Variants in ATP5PB observed in about 807,000 individuals in gnomAD.
ATP5PB encodes the protein ATP synthase peripheral stalk-membrane subunit b.
Under a neutral mutation model 34.5 loss-of-function variants are expected in ATP5PB, and 21 were observed. The ratio of observed to expected loss-of-function variants is 0.61; its 90% CI spans 0.43 to 0.88. The LOEUF (loss-of-function observed/expected upper bound fraction) is 0.88. ATP5PB is among the 40% of genes least tolerant of loss of function. The pLI, the probability that ATP5PB is intolerant of heterozygous loss-of-function variation, is 0.00. For missense variants in ATP5PB, 293 were observed against 317.4 expected (o/e 0.92, Z 0.58); for synonymous variants, 108 against 114.1 (o/e 0.95, Z 0.34).
At chr1:111,452,652 T>G (rs1471076409) in intron 2 of ATP5PB, among the ~76,000 whole-genome samples, 1 of 152,232 alleles carries the variant, frequency 6.6e-6, no homozygotes, top group Non-Finnish European at 1.5e-5. Flanking sequence ...TGAACTAAGG[T>G]AGCTAGTTAG....
rs757264247 is a variant in ATP5PB at position 111,460,999 on chromosome 1, A to T, written c.*5A>T. 1 of 1,611,022 alleles carries T rather than the reference A, an allele frequency of 6.2e-7. No homozygotes were observed. Among genetic ancestry groups the T allele is most frequent in the South Asian group, 1.1e-5 (1 of 90,930 alleles). ...CAAGCACAGCCAGTTATGTAAATGT[A>T]TCTATCCCAATTGAGACAGCTAGAA... is the stretch of plus-strand genomic sequence containing the variant. On this transcript the variant is annotated 3_prime_UTR_variant, in exon 7 of 7. Transcript: ENST00000369722.
chr1:111,458,766 A>C (rs150030622), intron 5 of ATP5PB, among the ~76,000 whole-genome samples: 140 of 152,292 alleles, frequency 9.2e-4, no homozygotes, highest in African/African-American at 3.3e-3. Flanking sequence ...GAGATATGTA[A>C]GAGCTTGGCC....
intron 6 of ATP5PB, among the ~76,000 whole-genome samples, chr1:111,460,319 T>C (rs1237343380): frequency 3.3e-5 from 5 of 152,168 alleles, no homozygotes; most frequent in Non-Finnish European, 2.9e-5. Flanking sequence ...TTTTCATTTA[T>C]ATTTTTGCTT....
intron 4 of ATP5PB, 98 bp downstream of exon 4, chr1:111,456,347 G>T: frequency 7.8e-7 from 1 of 1,280,874 alleles, no homozygotes; most frequent in Non-Finnish European, 1.1e-6. Context: ...GCAACATATA[G>T]AAATGAATCT....
intron 6 of ATP5PB, 125 bp downstream of exon 6, chr1:111,459,761 GGTTT>G: frequency 1.9e-6 from 2 of 1,049,512 alleles, no homozygotes; most frequent in Admixed American, 5.8e-5. Flanking sequence ...GTGTAACCCC[GGTTT>G]GTTTTTCTGG....
At position 111,459,600 on chromosome 1, in the gene ATP5PB, G is replaced by A. The variant is rs1323868040; in HGVS notation, c.657G>A (p.Val219=). 1 of 1,613,888 alleles carries A rather than the reference G, an allele frequency of 6.2e-7. No individual in the cohort carries two copies. Among genetic ancestry groups the A allele is most frequent in the Non-Finnish European group, 8.5e-7 (1 of 1,179,838 alleles). Residue 219 remains valine (V), a synonymous_variant, in exon 6 of 7, where the codon GTG becomes GTA. Transcript: ENST00000369722. ...AACAAGAACACATGATAAATTGGGT[G>A]GAGAAGCACGTGGTGCAAAGCATCT... ...RKEQEHMINW[V]EKHVVQSIST... is the part of the protein sequence containing the mutation.
intron 2 of ATP5PB, 66 bp from the exon 3 acceptor site, chr1:111,454,145 C>T (rs1345983335): frequency 2.1e-6 from 3 of 1,397,584 alleles, no homozygotes; most frequent in Non-Finnish European, 2.8e-6. Flanking sequence ...TGTTTCTGCT[C>T]ATTATTCATA....
intron 2 of ATP5PB, among the ~76,000 whole-genome samples, chr1:111,453,715 C>G (rs1002294560): frequency 5.9e-5 from 9 of 152,214 alleles, no homozygotes; most frequent in African/African-American, 1.9e-4. Context: ...TAGAACTTTT[C>G]CATGTGCCAG....
In ATP5PB at chr1:111,456,743, T is replaced by C. The variant is rs1653485901; in HGVS notation, c.501T>C (p.Phe167=). 5 of 1,609,954 alleles carry C rather than the reference T, an allele frequency of 3.1e-6. No homozygotes were observed. In the African/African-American group the frequency reaches 6.7e-5, roughly 22 times the overall value. Residue 167 remains phenylalanine, a synonymous_variant, in exon 5 of 7, where the codon TTT becomes TTC. Transcript: ENST00000369722. ...TGGTTCAGAAGCGCCATTACCTTTT[T>C]GATGTGCAAAGGGTAGGTTTCAGAA... ...QALVQKRHYL[F]DVQRNNIAMA...
chr1:111,450,495 T>G (rs1571374101), intron 2 of ATP5PB, among the ~76,000 whole-genome samples: 1 of 152,194 alleles, frequency 6.6e-6, no homozygotes, highest in African/African-American at 2.4e-5. Context: ...TTACTGGCTG[T>G]GTGACCTCAA....
chr1:111,456,456 A>G (rs1653474942), intron 4 of ATP5PB, among the ~76,000 whole-genome samples, 174 bp from the exon 5 acceptor site: 1 of 152,342 alleles, frequency 6.6e-6, no homozygotes, highest in Admixed American at 6.5e-5. Flanking sequence ...CATTCAAAAG[A>G]TATTCTATAG....
chr1:111,459,350 C>T (rs1471326167), intron 5 of ATP5PB, 107 bp from the exon 6 acceptor site: 2 of 1,073,456 alleles, frequency 1.9e-6, no homozygotes, highest in Admixed American at 5.6e-5. Context: ...AAAAGAATTT[C>T]ACGTAAAATA....
Position 111,459,569 on chromosome 1 carries a change from G to A in ATP5PB, c.626G>A (p.Arg209Gln), listed in dbSNP as rs768759849. 2.2e-5 allele frequency: 36 copies of A among 1,613,804 alleles called. No homozygotes were observed. Among genetic ancestry groups the A allele is most frequent in the African/African-American group, 2.0e-4 (15 of 74,888 alleles). ...YHISVQNMMR[R>Q]KEQEHMINWV... ...ATATCTGTGCAGAACATGATGCGTC[G>A]AAAGGAACAAGAACACATGATAAAT... Residue 209 changes from arginine (R) to glutamine (Q), a missense_variant, in exon 6 of 7, where the codon CGA becomes CAA. Transcript: ENST00000369722.
intron 2 of ATP5PB, 39 bp downstream of exon 2, chr1:111,449,912 C>G: frequency 1.9e-6 from 3 of 1,613,156 alleles, no homozygotes; most frequent in Non-Finnish European, 2.5e-6. Flanking sequence ...TCTTTGTTTT[C>G]ACTACCTTTT....
At chr1:111,459,007 A>G (rs573471154) in intron 5 of ATP5PB, among the ~76,000 whole-genome samples, 4 of 152,258 alleles carry the variant, frequency 2.6e-5, no homozygotes, top group Non-Finnish European at 5.9e-5. Context: ...AGCAAGTATT[A>G]TGACATAAAC....
intron 3 of ATP5PB, among the ~76,000 whole-genome samples, chr1:111,455,311 TAAAAA>T (rs140870180): frequency 0.028 from 4,303 of 152,142 alleles, 205 homozygotes; most frequent in African/African-American, 0.099. Context: ...TAAAGGCAGT[TAAAAA>T]AAACTGTTGG....
intron 2 of ATP5PB, among the ~76,000 whole-genome samples, chr1:111,453,656 G>A (rs1653391005): frequency 6.6e-6 from 1 of 152,136 alleles, no homozygotes; most frequent in African/African-American, 2.4e-5. Context: ...TATTCAAAAA[G>A]GTCCAGGAGC....
intron 3 of ATP5PB, 42 bp downstream of exon 3, chr1:111,454,398 C>A: frequency 6.5e-7 from 1 of 1,543,794 alleles, no homozygotes; most frequent in Non-Finnish European, 8.7e-7. Flanking sequence ...GTTTTGATGG[C>A]ACCACTAAAA....
In ATP5PB at chr1:111,454,909, T is replaced by C. The variant is rs78307584; in HGVS notation, c.223+553T>C. On this transcript the variant is annotated intron_variant, in intron 3 of 6. Coordinates refer to ENST00000369722, the MANE Select transcript of ATP5PB (RefSeq NM_001688.5). The stretch of plus-strand genomic sequence containing the variant: ...TGCTTTATGCCAGGCACTGTTGCAG[T>C]CATACAGTGTTGAACAGTGTTAAGT... Among the ~76,000 whole-genome samples, 1,439 of 152,358 alleles carry C rather than the reference T, an allele frequency of 9.4e-3. 19 individuals carry two copies. The highest frequency in any genetic ancestry group is 0.033 in the African/African-American group (1,383 of 41,578).
Sources: gnomAD v4.1 joint callset for allele counts (sites outside exome capture counted in the v4.1 genomes callset) on GRCh38, gnomAD v4.1.1 for gene constraint, MANE v1.5 for transcripts, NCBI Gene and HGNC (gene_info 2026-07-23, HGNC 2026-07-21) for gene names.